The following TULP3 variants were observed in gnomAD, a reference collection of about 807,000 sequenced individuals.
The protein encoded by TULP3 is tubby-related protein 3.
In TULP3, 38 loss-of-function variants were observed where a neutral mutation model predicts 50.7. That is an observed-to-expected ratio of 0.75 (90% confidence interval 0.58 to 0.98). The LOEUF is 0.98. TULP3 is among the 50% of genes least tolerant of loss of function. TULP3 has a pLI of 0.00. For synonymous variants in TULP3, 183 were observed against 196.6 expected (o/e 0.93, Z 0.58); for missense variants, 550 against 568.0 (o/e 0.97, Z 0.32).
At chr12:2,897,201 G>A (rs1387016631) in intron 1 of TULP3, among the ~76,000 whole-genome samples, 2 of 151,900 alleles carry the variant, frequency 1.3e-5, no homozygotes, top group Non-Finnish European at 2.9e-5. Context: ...GTAGGGACAG[G>A]ATTTCACCAT....
At chr12:2,933,153 G>A (rs1012024016) in intron 6 of TULP3, among the ~76,000 whole-genome samples, 3 of 152,076 alleles carry the variant, frequency 2.0e-5, no homozygotes, top group Admixed American at 2.0e-4. Context: ...GTGTTAGCCA[G>A]GATGGTCTCG....
intron 1 of TULP3, among the ~76,000 whole-genome samples, chr12:2,898,486 T>C (rs1215729391): frequency 6.6e-6 from 1 of 152,076 alleles, no homozygotes; most frequent in Non-Finnish European, 1.5e-5. Context: ...TCTGCGAAGG[T>C]CTTAACCAAA....
Position 2,922,325 on chromosome 12 carries a change from C to T in TULP3, c.317C>T (p.Ser106Phe). 6.2e-7 allele frequency: 1 copy of T among 1,614,162 alleles called. No homozygotes were observed. Among genetic ancestry groups the T allele is most frequent in the Non-Finnish European group, 8.5e-7 (1 of 1,180,030 alleles). ...GTTCATGCTCCATCAGTAAGCTCCT[C>T]TGTTGTGGAAGAAGATGCTGAAAAC... ...DEVHAPSVSS[S>F]VVEEDAENTV... is the part of the protein sequence containing the mutation. The change falls in exon 4 of 11, where the codon TCT becomes TTT. Residue 106 changes from serine (S) to phenylalanine (F), a missense_variant. By Grantham distance (155) the Ser-to-Phe change is radical (BLOSUM62 -2). Coordinates refer to ENST00000448120, the MANE Select transcript of TULP3 (RefSeq NM_003324.5).
At chr12:2,938,952 C>A (rs1416262464) in intron 10 of TULP3, among the ~76,000 whole-genome samples, 1 of 152,142 alleles carries the variant, frequency 6.6e-6, no homozygotes, top group Non-Finnish European at 1.5e-5. Flanking sequence ...TTGGAGGATT[C>A]TTTCTGTATC....
intron 6 of TULP3, 26 bp from the exon 7 acceptor site, chr12:2,933,392 T>C (rs768774916): frequency 9.1e-6 from 14 of 1,532,336 alleles, no homozygotes; most frequent in Non-Finnish European, 9.9e-6. Context: ...GACTTCATTT[T>C]TGACTGACAC....
intron 4 of TULP3, among the ~76,000 whole-genome samples, chr12:2,924,970 G>C (rs1407411667): frequency 6.6e-6 from 1 of 152,216 alleles, no homozygotes; most frequent in Non-Finnish European, 1.5e-5. Flanking sequence ...AAGGTCAGGA[G>C]ATCAAGACCA....
At chr12:2,938,645 G>A (rs761364595) in intron 10 of TULP3, among the ~76,000 whole-genome samples, 3 of 151,982 alleles carry the variant, frequency 2.0e-5, no homozygotes, top group East Asian at 1.9e-4. Flanking sequence ...TTAGCTGGGC[G>A]TGGTGGCAGG....
intron 1 of TULP3, among the ~76,000 whole-genome samples, chr12:2,908,020 C>T (rs376189328): frequency 2.0e-5 from 3 of 152,186 alleles, no homozygotes; most frequent in Admixed American, 6.5e-5. Context: ...AGCACCTGCA[C>T]GTCTGTGTGA....
At chr12:2,929,636 G>T (rs2098196733) in intron 4 of TULP3, among the ~76,000 whole-genome samples, 1 of 151,474 alleles carries the variant, frequency 6.6e-6, no homozygotes, top group Non-Finnish European at 1.5e-5. Flanking sequence ...TGTCTCCCAG[G>T]CTATAGTACA....
Position 2,940,499 on chromosome 12 carries a change from T to C in TULP3, c.*1055T>C, listed in dbSNP as rs1301035367. On this transcript the variant is annotated 3_prime_UTR_variant, in exon 11 of 11. Transcript: ENST00000448120. The stretch of plus-strand genomic sequence containing the variant: ...GATTATTACACCCCTCCACGTATTA[T>C]GTGACTCTTACACCAGTTCACCCTT... The C allele has an allele frequency of 6.6e-7, 1 of 1,524,232 alleles. No individual in the cohort carries two copies. Among genetic ancestry groups the C allele is most frequent in the Non-Finnish European group, 8.8e-7 (1 of 1,132,416 alleles). The allele number at this position is 1,524,232 out of a possible 1,614,324, so 94.4% of individuals were successfully genotyped here. A position where few individuals can be genotyped will look rare whatever the true frequency, so the allele number is the denominator to read the frequency against.
intron 8 of TULP3, among the ~76,000 whole-genome samples, chr12:2,937,200 A>ATT (rs771074689): frequency 0.23 from 12,600 of 54,344 alleles, 5,359 homozygotes; most frequent in East Asian, 0.29. Context: ...GGTACACCTG[A>ATT]TTTTTTTTTT....
chr12:2,936,082 C>T (rs937117693), intron 8 of TULP3, among the ~76,000 whole-genome samples: 4 of 151,776 alleles, frequency 2.6e-5, no homozygotes, highest in Non-Finnish European at 4.4e-5. Context: ...GCCTGGCCAA[C>T]ATGGCAAAAA....
intron 2 of TULP3, among the ~76,000 whole-genome samples, chr12:2,915,784 T>C (rs2098188303): frequency 6.6e-6 from 1 of 152,082 alleles, no homozygotes; most frequent in Admixed American, 6.6e-5. Flanking sequence ...GACCTCGTGA[T>C]CTGCCCGCCT....
At chr12:2,911,446 G>A (rs1376060943) in intron 2 of TULP3, among the ~76,000 whole-genome samples, 6 of 151,414 alleles carry the variant, frequency 4.0e-5, no homozygotes, top group South Asian at 2.1e-4. Flanking sequence ...TCCAACTCCC[G>A]GGTTCACGCC....
At chr12:2,901,317 T>C (rs962106445) in intron 1 of TULP3, among the ~76,000 whole-genome samples, 1 of 149,482 alleles carries the variant, frequency 6.7e-6, no homozygotes, top group Admixed American at 6.7e-5. Context: ...TCTTTCTTTT[T>C]TTTTTTTTTT....
At chr12:2,935,546 T>C (rs1449254845) in intron 8 of TULP3, among the ~76,000 whole-genome samples, 3 of 152,244 alleles carry the variant, frequency 2.0e-5, no homozygotes, top group Non-Finnish European at 2.9e-5. Context: ...CCATCTCAGC[T>C]GGTTTTTTTA....
chr12:2,935,516 G>A (rs764738778), intron 8 of TULP3, among the ~76,000 whole-genome samples: 51 of 152,334 alleles, frequency 3.3e-4, no homozygotes, highest in Non-Finnish European at 5.7e-4. Context: ...TTGAGTAAGA[G>A]AAAGCAAGAA....
chr12:2,917,950 G>T, intron 2 of TULP3, among the ~76,000 whole-genome samples: 1 of 151,738 alleles, frequency 6.6e-6, no homozygotes, highest in Non-Finnish European at 1.5e-5. Flanking sequence ...TTAGCTGGGT[G>T]TGGTGGCAGG....
chr12:2,934,663 A>G lies in TULP3; in HGVS notation c.924+102A>G, dbSNP rs780548979. 102 of 579,034 alleles carry G rather than the reference A, an allele frequency of 1.8e-4. 1 individual carries two copies. Among genetic ancestry groups the G allele is most frequent in the Non-Finnish European group, 2.6e-4 (90 of 348,744 alleles). The allele number at this position is 579,034 out of a possible 1,614,324, so 35.9% of individuals were successfully genotyped here. A position where few individuals can be genotyped will look rare whatever the true frequency, so the allele number is the denominator to read the frequency against. On this transcript the variant is annotated intron_variant, in intron 8 of 10. Transcript: ENST00000448120. ...AACCTCCCCTCCCAAGCTTGTTTCT[A>G]TTTCTGTGATTTCTGTTGCTGTACC...
Sources: allele counts gnomAD v4.1 joint callset (sites outside exome capture counted in the v4.1 genomes callset), GRCh38; gene constraint gnomAD v4.1.1; transcripts MANE v1.5; gene names NCBI Gene and HGNC (gene_info 2026-07-23, HGNC 2026-07-21).